Variants in MIS18A observed in about 807,000 individuals in gnomAD.
The protein encoded by MIS18A is protein Mis18-alpha.
A neutral mutation model predicts 25.0 loss-of-function variants in MIS18A; 14 were observed. The observed-to-expected ratio is 0.56, with a 90% confidence interval of 0.37 to 0.88. The LOEUF (loss-of-function observed/expected upper bound fraction) is 0.88. MIS18A is among the 40% of genes least tolerant of loss of function. The probability of loss-of-function intolerance (pLI) is 0.00; values close to 1 mark genes in which losing one functional copy is unlikely to be tolerated. For synonymous variants in MIS18A, 134 were observed against 118.6 expected (o/e 1.13, Z -0.84); for missense variants, 292 against 290.8 (o/e 1.00, Z -0.03).
chr21:32,218,487 A>C, the MIS18A span, among the ~76,000 whole-genome samples: 1 of 152,224 alleles, frequency 6.6e-6, no homozygotes, highest in South Asian at 2.1e-4. Context: ...AAGTAAACAT[A>C]ATATAAATAT....
At chr21:32,257,823 G>A in the MIS18A span, among the ~76,000 whole-genome samples, 8 of 152,132 alleles carry the variant, frequency 5.3e-5, no homozygotes. Flanking sequence ...CTTTGCCTCT[G>A]CATAATCACT....
the MIS18A span, among the ~76,000 whole-genome samples, chr21:32,187,882 T>G: frequency 6.6e-6 from 1 of 152,194 alleles, no homozygotes; most frequent in East Asian, 1.9e-4. Context: ...ACCCCCAGTG[T>G]GATAGTTTTT....
At chr21:32,199,003 G>A in the MIS18A span, among the ~76,000 whole-genome samples, 6 of 152,128 alleles carry the variant, frequency 3.9e-5, no homozygotes, top group Admixed American at 1.3e-4. Flanking sequence ...CTGATTGCCA[G>A]TTGATTCATA....
chr21:32,278,400 CT>C, intron 1 of MIS18A: 1 of 470,574 alleles, frequency 2.1e-6, no homozygotes, highest in Non-Finnish European at 3.7e-6. Flanking sequence ...AAGTGTTATT[CT>C]TTGTCGCCCT....
chr21:32,272,564 G>A (rs2833753), intron 2 of MIS18A, among the ~76,000 whole-genome samples: 40,228 of 152,076 alleles, frequency 0.26, 5,444 homozygotes, highest in East Asian at 0.38. Flanking sequence ...TCTCATAGTC[G>A]CAAATCTTTT....
At chr21:32,159,283 C>T in the MIS18A span, among the ~76,000 whole-genome samples, 2 of 152,130 alleles carry the variant, frequency 1.3e-5, no homozygotes, top group Non-Finnish European at 2.9e-5. Flanking sequence ...AGATTGTTTA[C>T]TAAAACTGTG....
At chr21:32,200,264 G>C in the MIS18A span, among the ~76,000 whole-genome samples, 7 of 152,096 alleles carry the variant, frequency 4.6e-5, no homozygotes. Flanking sequence ...TTGGCTCATG[G>C]GGAGTAGTTT....
chr21:32,252,232 GA>G, the MIS18A span, among the ~76,000 whole-genome samples: 24 of 49,150 alleles, frequency 4.9e-4, no homozygotes, highest in South Asian at 1.9e-3. Flanking sequence ...AGAAGAAGAA[GA>G]AGAAGAAGGA....
At chr21:32,186,175 T>C in the MIS18A span, among the ~76,000 whole-genome samples, 1 of 152,212 alleles carries the variant, frequency 6.6e-6, no homozygotes, top group Non-Finnish European at 1.5e-5. Flanking sequence ...AACACTTTGA[T>C]TGTGGCCTTG....
At chr21:32,228,834 A>T in the MIS18A span, among the ~76,000 whole-genome samples, 1 of 152,226 alleles carries the variant, frequency 6.6e-6, no homozygotes, top group Non-Finnish European at 1.5e-5. Context: ...GAAAATTATA[A>T]AATATTGTTG....
At chr21:32,257,435 A>ACAG in the MIS18A span, among the ~76,000 whole-genome samples, 14 of 152,178 alleles carry the variant, frequency 9.2e-5, no homozygotes, top group African/African-American at 3.4e-4. Context: ...TGTTCATTAC[A>ACAG]CAGCAGCAGC....
the MIS18A span, among the ~76,000 whole-genome samples, chr21:32,158,576 G>A: frequency 9.9e-4 from 150 of 151,984 alleles, no homozygotes; most frequent in South Asian, 5.0e-3. Context: ...CTGAGTTCAA[G>A]TGATTCTCCT....
chr21:32,270,632 T>A (rs1457519738), intron 2 of MIS18A, 103 bp from the exon 3 acceptor site: 1 of 1,262,454 alleles, frequency 7.9e-7, no homozygotes, highest in Non-Finnish European at 1.0e-6. Flanking sequence ...TCAAGTATGC[T>A]ATTCTGACCA....
At chr21:32,196,776 T>C in the MIS18A span, among the ~76,000 whole-genome samples, 1 of 152,004 alleles carries the variant, frequency 6.6e-6, no homozygotes, top group African/African-American at 2.4e-5. Flanking sequence ...TATAATAAAT[T>C]CCCTTAGAGA....
chr21:32,257,734 C>G, the MIS18A span, among the ~76,000 whole-genome samples: 1 of 152,306 alleles, frequency 6.6e-6, no homozygotes, highest in East Asian at 1.9e-4. Flanking sequence ...TGAAATTGCT[C>G]CAGTTGTTGG....
Position 32,274,890 on chromosome 21 carries a change from G to GA in MIS18A, c.340dup (p.Ser114PhefsTer3). ...TTCCTTATCCACAGAAACATTACAG[G>GA]AAACACCTAGAAACAGAGAAAGTAA... On this transcript the variant is annotated frameshift_variant, in exon 2 of 5. Coordinates refer to ENST00000290130, the MANE Select transcript of MIS18A (RefSeq NM_018944.3). LOFTEE classifies it high-confidence loss of function. 1 of 1,608,398 alleles carries GA rather than the reference G, an allele frequency of 6.2e-7. No individual in the cohort carries two copies. Among genetic ancestry groups the GA allele is most frequent in the Non-Finnish European group, 8.5e-7 (1 of 1,175,978 alleles).
At chr21:32,165,142 T>C in the MIS18A span, among the ~76,000 whole-genome samples, 1 of 152,160 alleles carries the variant, frequency 6.6e-6, no homozygotes, top group East Asian at 1.9e-4. Flanking sequence ...AAGACCAGCC[T>C]GACCAACATG....
the MIS18A span, among the ~76,000 whole-genome samples, chr21:32,166,693 T>C: frequency 1.3e-5 from 2 of 152,126 alleles, no homozygotes; most frequent in African/African-American, 4.8e-5. Context: ...ATTAAATAAA[T>C]ATGTAAATAA....
chr21:32,216,293 A>T, the MIS18A span, among the ~76,000 whole-genome samples: 5 of 152,164 alleles, frequency 3.3e-5, no homozygotes, highest in Non-Finnish European at 7.3e-5. Flanking sequence ...AAAAATCTCA[A>T]AAACCTAGTC....
Sources: allele counts gnomAD v4.1 joint callset (sites outside exome capture counted in the v4.1 genomes callset), GRCh38; gene constraint gnomAD v4.1.1; transcripts MANE v1.5; gene names NCBI Gene and HGNC (gene_info 2026-07-23, HGNC 2026-07-21).